Variants in TRPM3 observed in about 807,000 individuals in gnomAD.
TRPM3 encodes long transient receptor potential channel 3.
TRPM3 carries 77 observed loss-of-function variants against 181.2 expected under a neutral mutation model. The observed-to-expected ratio is 0.42, with a 90% CI of 0.35 to 0.51. The LOEUF is 0.51. TRPM3 is among the 20% of genes least tolerant of loss of function. TRPM3 has a pLI of 0.01. For missense variants in TRPM3, 1,759 were observed against 2,196.7 expected, an observed-to-expected ratio of 0.80 and a Z score of 3.98; for synonymous variants, 745 against 796.4, an observed-to-expected ratio of 0.94 and a Z score of 1.09.
chr9:71,132,465 CG>C (rs1348080803), intron 1 of TRPM3, among the ~76,000 whole-genome samples: 1 of 152,100 alleles, frequency 6.6e-6, no homozygotes, highest in African/African-American at 2.4e-5. Context: ...AGGGATCATT[CG>C]GGAGATTAAA....
chr9:70,568,215 TGAG>T (rs1333516734), intron 22 of TRPM3, among the ~76,000 whole-genome samples: 2 of 152,180 alleles, frequency 1.3e-5, no homozygotes, highest in Non-Finnish European at 2.9e-5. Flanking sequence ...GGCAAATGGC[TGAG>T]ATTTTTTTAT....
rs1175899563 is a variant in TRPM3 at position 70,635,220 on chromosome 9, A to G, written c.1623T>C (p.Asp541=). The change falls in exon 12 of 26, where the codon GAT becomes GAC. Residue 541 remains aspartate, a synonymous_variant. Coordinates refer to ENST00000677713, the MANE Select transcript of TRPM3 (RefSeq NM_001366145.2). ...PSNTLYHLVR[D]VKKREYPGFG... The stretch of plus-strand genomic sequence containing the variant: ...TCGAGAGGGTTCTTACCTTTTTGAC[A>G]TCCCTGACCAAGTGGTACAATGTAT... 2 of 1,614,024 alleles carry G rather than the reference A, an allele frequency of 1.2e-6. No homozygotes were observed. Among genetic ancestry groups the G allele is most frequent in the East Asian group, 4.5e-5 (2 of 44,878 alleles).
chr9:70,610,820 A>G lies in TRPM3; in HGVS notation c.2527-71T>C. ...GCATGTTGTTCAATGTGCTTACTTT[A>G]CAGATGAGGAAAGGATGCTCATAGA... is the stretch of plus-strand genomic sequence containing the variant. On this transcript the variant is annotated intron_variant, in intron 18 of 25. Transcript: ENST00000677713. 5.1e-6 allele frequency: 8 copies of G among 1,562,452 alleles called. No individual in the cohort carries two copies. The South Asian group carries it at 9.5e-5, about 19-fold the overall frequency.
Position 70,917,591 on chromosome 9 carries a change from T to C in TRPM3, c.178-53080A>G, listed in dbSNP as rs1005208126. On this transcript the variant is annotated intron_variant, in intron 1 of 25. Coordinates refer to ENST00000677713, the MANE Select transcript of TRPM3 (RefSeq NM_001366145.2). ...GTTATATCAACTTAAAATAATGGCT[T>C]ATACTATAGATTCACAAGTCTTATG... is the stretch of plus-strand genomic sequence containing the variant. 1.4e-5 allele frequency: 7 copies of C among 486,912 alleles called. No individual in the cohort carries two copies. In the African/African-American group the frequency reaches 1.7e-4, roughly 12 times the overall value. The allele number at this position is 486,912 out of a possible 1,614,324, so 30.2% of individuals were successfully genotyped here.
chr9:71,202,592 A>G (rs1587931279), intron 1 of TRPM3, among the ~76,000 whole-genome samples: 1 of 152,188 alleles, frequency 6.6e-6, no homozygotes, highest in South Asian at 2.1e-4. Context: ...AGTGGCAGGT[A>G]CACAAAACCT....
intron 1 of TRPM3, among the ~76,000 whole-genome samples, chr9:71,352,716 T>A (rs557442143): frequency 8.2e-4 from 125 of 152,320 alleles, no homozygotes; most frequent in Non-Finnish European, 1.6e-3. Flanking sequence ...CACTTTAGTA[T>A]CTCTTCCAGT....
At position 70,613,107 on chromosome 9, in the gene TRPM3, C is replaced by T. The variant is rs59900826; in HGVS notation, c.2527-2358G>A. Among the ~76,000 whole-genome samples the T allele has an allele frequency of 1.7e-3, 253 of 152,326 alleles. 1 individual carries two copies. Among genetic ancestry groups the T allele is most frequent in the African/African-American group, 5.7e-3 (239 of 41,580 alleles). On this transcript the variant is annotated intron_variant, in intron 18 of 25. Transcript: ENST00000677713. ...ATTCAGATATATTCCAGCATGAATGCATTTGTAAAAGGCTTGTCTTTCACG... is the reference window on the plus strand; with the variant it reads ...ATTCAGATATATTCCAGCATGAATGTATTTGTAAAAGGCTTGTCTTTCACG...
intron 1 of TRPM3, among the ~76,000 whole-genome samples, chr9:71,043,598 A>G (rs545666616): frequency 1.3e-5 from 2 of 152,274 alleles, no homozygotes; most frequent in Admixed American, 6.5e-5. Flanking sequence ...ATGTATTCCT[A>G]TATCCTCCCA....
At chr9:71,136,932 G>A (rs1291512836) in intron 1 of TRPM3, among the ~76,000 whole-genome samples, 6 of 152,170 alleles carry the variant, frequency 3.9e-5, no homozygotes, top group South Asian at 2.1e-4. Flanking sequence ...TCATTAAAGC[G>A]GATGGAGTGA....
chr9:71,001,670 TG>T (rs1289691944), intron 1 of TRPM3, among the ~76,000 whole-genome samples: 1 of 152,220 alleles, frequency 6.6e-6, no homozygotes, highest in African/African-American at 2.4e-5. Context: ...TGAGCCTTTC[TG>T]ATGTGGAATC....
intron 6 of TRPM3, among the ~76,000 whole-genome samples, chr9:70,810,841 A>G (rs1208344661): frequency 6.6e-6 from 1 of 152,170 alleles, no homozygotes; most frequent in Non-Finnish European, 1.5e-5. Flanking sequence ...AAGGAAGAAA[A>G]TAATCCCTAT....
In TRPM3 at chr9:70,536,322, C is replaced by T; in HGVS notation, c.4791G>A (p.Glu1597=). Residue 1597 remains glutamate, a synonymous_variant, in exon 26 of 26, where the codon GAG becomes GAA. Coordinates refer to ENST00000677713, the MANE Select transcript of TRPM3 (RefSeq NM_001366145.2). ...TGGGGTGACTCAGTTCTGCTTCTCGCTCTGGATGGCAGCAAGTTAAGTCCT... is the reference window on the plus strand; with the variant it reads ...TGGGGTGACTCAGTTCTGCTTCTCGTTCTGGATGGCAGCAAGTTAAGTCCT... ...KVEDLTCCHP[E]REAELSHPSS... 1 of 1,614,160 alleles carries T rather than the reference C, an allele frequency of 6.2e-7. No individual in the cohort carries two copies. Among genetic ancestry groups the T allele is most frequent in the Non-Finnish European group, 8.5e-7 (1 of 1,180,034 alleles).
intron 1 of TRPM3, among the ~76,000 whole-genome samples, chr9:71,141,693 G>C (rs2075108691): frequency 6.6e-6 from 1 of 151,844 alleles, no homozygotes. Context: ...TTGAATGACG[G>C]GATTAATATT....
At chr9:71,356,777 A>T (rs992931697) in intron 1 of TRPM3, among the ~76,000 whole-genome samples, 4 of 152,064 alleles carry the variant, frequency 2.6e-5, no homozygotes, top group Non-Finnish European at 5.9e-5. Context: ...TCCAGTTCTG[A>T]ATCTTACTCC....
chr9:70,832,183 C>T (rs1192858767), intron 5 of TRPM3, among the ~76,000 whole-genome samples: 1 of 147,312 alleles, frequency 6.8e-6, no homozygotes, highest in African/African-American at 2.5e-5. Context: ...GGGAGATATA[C>T]CTAATGCTAG....
rs940796085 is a variant in TRPM3 at position 70,678,840 on chromosome 9, A to T, written c.1345+2666T>A. On this transcript the variant is annotated intron_variant, in intron 9 of 25. Coordinates refer to ENST00000677713, the MANE Select transcript of TRPM3 (RefSeq NM_001366145.2). Reference sequence around the variant, plus strand: ...TAATAAACTTAAGAGTTTGAAACCAATATAAGTAGGCTCTTGGCCTCCGAA... The same window carrying T: ...TAATAAACTTAAGAGTTTGAAACCATTATAAGTAGGCTCTTGGCCTCCGAA... 2.0e-5 allele frequency among the ~76,000 whole-genome samples: 3 copies of T among 152,272 alleles called. No individual in the cohort carries two copies. In the East Asian group the frequency reaches 5.8e-4, roughly 29 times the overall value.
chr9:71,077,976 G>T (rs2063707241), intron 1 of TRPM3, among the ~76,000 whole-genome samples: 1 of 146,290 alleles, frequency 6.8e-6, no homozygotes, highest in Admixed American at 7.0e-5. Context: ...GCTTCTTGGT[G>T]TACAGCTGGC....
intron 1 of TRPM3, among the ~76,000 whole-genome samples, chr9:71,362,150 A>G (rs4744631): frequency 0.98 from 149,140 of 152,330 alleles, 73,093 homozygotes; most frequent in East Asian, 1. Context: ...CACACTTCAC[A>G]TATATGAAGG....
chr9:71,121,343 C>T lies in TRPM3; in HGVS notation c.12G>A (p.Pro4=). ...TGCCTAGAAAATAAACGGTCCCCCA[C>T]GGCTCTGGCATCCCATGGTCATCTC... MPE[P]WGTVYFLGIA... The change falls in exon 1 of 26, where the codon CCG becomes CCA. Residue 4 remains proline (P), a synonymous_variant. Coordinates refer to ENST00000677713, the MANE Select transcript of TRPM3 (RefSeq NM_001366145.2). 6.2e-7 allele frequency: 1 copy of T among 1,613,766 alleles called. No individual in the cohort carries two copies. The highest frequency in any genetic ancestry group is 8.5e-7 in the Non-Finnish European group (1 of 1,179,940).
Sources: allele counts gnomAD v4.1 joint callset (sites outside exome capture counted in the v4.1 genomes callset), GRCh38; gene constraint gnomAD v4.1.1; transcripts MANE v1.5; gene names NCBI Gene and HGNC (gene_info 2026-07-23, HGNC 2026-07-21).